Variants in PARD3B observed in about 807,000 individuals in gnomAD.
PARD3B encodes the protein partitioning defective 3 homolog B.
Under a neutral mutation model 130.2 loss-of-function variants are expected in PARD3B, and 103 were observed. That is an observed-to-expected ratio of 0.79 (90% confidence interval 0.67 to 0.93). The LOEUF (loss-of-function observed/expected upper bound fraction) is 0.93, where lower values mean the gene tolerates loss of function less well. Ranked by LOEUF, PARD3B falls within the 40% of genes least tolerant of loss-of-function variation. The probability of loss-of-function intolerance (pLI) is 0.00; values close to 1 mark genes in which losing one functional copy is unlikely to be tolerated. For missense variants in PARD3B, 1,609 were observed against 1,499.2 expected, an observed-to-expected ratio of 1.07 and a Z score of -1.21; for synonymous variants, 583 against 553.2, an observed-to-expected ratio of 1.05 and a Z score of -0.76.
Position 205,325,249 on chromosome 2 carries a change from AATGTTCAAC to A in PARD3B, c.2630+23549_2630+23557del, listed in dbSNP as rs566988446. ...AGCTTAGATTTCTGAGGTGTTATACAATGTTCAACCTTTATACTTTTATGCTGCCATAGA... is the reference window on the plus strand; with the variant it reads ...AGCTTAGATTTCTGAGGTGTTATACACTTTATACTTTTATGCTGCCATAGA... On this transcript the variant is annotated intron_variant, in intron 18 of 22. Coordinates refer to ENST00000406610, the MANE Select transcript of PARD3B (RefSeq NM_001302769.2). This position sits in a 1 kb window ranked among gnomAD's most constrained non-coding sequence, Gnocchi z 4.1. Among the ~76,000 whole-genome samples, 68 of 152,296 alleles carry A rather than the reference AATGTTCAAC, an allele frequency of 4.5e-4. No individual in the cohort carries two copies. The highest frequency in any genetic ancestry group is 1.5e-3 in the African/African-American group (64 of 41,556).
intron 1 of PARD3B, among the ~76,000 whole-genome samples, chr2:204,569,326 C>T (rs11885318): frequency 6.6e-6 from 1 of 152,138 alleles, no homozygotes; most frequent in East Asian, 1.9e-4. Context: ...GATTTAGATG[C>T]TATATGAAAC....
At chr2:205,248,635 G>GTC (rs2039683634) in intron 16 of PARD3B, among the ~76,000 whole-genome samples, 2 of 124,170 alleles carry the variant, frequency 1.6e-5, no homozygotes, top group Non-Finnish European at 3.2e-5. Context: ...TTGAGACGGA[G>GTC]TGGCTCTGTC....
intron 2 of PARD3B, among the ~76,000 whole-genome samples, chr2:204,691,330 T>C (rs1368049448): frequency 6.6e-6 from 1 of 152,134 alleles, no homozygotes; most frequent in Non-Finnish European, 1.5e-5. Context: ...AAAGTAATAC[T>C]GTATTATGTA....
intron 18 of PARD3B, among the ~76,000 whole-genome samples, chr2:205,331,514 G>A (rs2105775105): frequency 6.6e-6 from 1 of 152,086 alleles, no homozygotes; most frequent in Non-Finnish European, 1.5e-5. Flanking sequence ...GGGCGTGGTG[G>A]TTCACACCTG....
rs111599368 is a variant in PARD3B at position 204,660,871 on chromosome 2, T to G, written c.121-25310T>G. 6.9e-3 allele frequency among the ~76,000 whole-genome samples: 1,045 copies of G among 152,356 alleles called. 7 individuals carry two copies. Among genetic ancestry groups the G allele is most frequent in the Middle Eastern group, 0.031 (9 of 294 alleles). On this transcript the variant is annotated intron_variant, in intron 1 of 22. Coordinates refer to ENST00000406610, the MANE Select transcript of PARD3B (RefSeq NM_001302769.2). ...CATGAGTTTAATTTTAAAGTATTAA[T>G]GTATAGAACATGCAGTGTGGCTTTG...
chr2:204,930,440 A>T (rs1054328335), intron 2 of PARD3B, among the ~76,000 whole-genome samples: 2 of 151,926 alleles, frequency 1.3e-5, no homozygotes, highest in African/African-American at 4.8e-5. Flanking sequence ...ATTGTTTAAA[A>T]TTTTTATTAT....
chr2:205,177,445 G>A (rs2035537615), intron 13 of PARD3B, among the ~76,000 whole-genome samples: 1 of 152,192 alleles, frequency 6.6e-6, no homozygotes. Flanking sequence ...AAAATTAATA[G>A]CACATTATAT....
At chr2:205,342,946 A>G (rs2043596952) in intron 18 of PARD3B, among the ~76,000 whole-genome samples, 1 of 152,146 alleles carries the variant, frequency 6.6e-6, no homozygotes, top group South Asian at 2.1e-4. Context: ...CTATATTATT[A>G]CTTTGTCCTC....
In PARD3B at chr2:204,914,639, C is replaced by A. The variant is rs139283022; in HGVS notation, c.223-50513C>A. ...GAATTGTTCGAAAACCAGTAAGAAA[C>A]CTCCTGTGGACCCCAGCCCTCAATC... On this transcript the variant is annotated intron_variant, in intron 2 of 22. Coordinates refer to ENST00000406610, the MANE Select transcript of PARD3B (RefSeq NM_001302769.2). Among the ~76,000 whole-genome samples the A allele has an allele frequency of 4.9e-3, 748 of 152,252 alleles. 2 individuals carry two copies. The highest frequency in any genetic ancestry group is 0.018 in the South Asian group (85 of 4,824).
chr2:204,991,999 T>A (rs1210985430), intron 3 of PARD3B, among the ~76,000 whole-genome samples: 1 of 152,054 alleles, frequency 6.6e-6, no homozygotes, highest in Non-Finnish European at 1.5e-5. Flanking sequence ...ATGAGTAGGT[T>A]GCAAAAATTT....
At chr2:205,503,350 A>G (rs1575182029) in intron 21 of PARD3B, among the ~76,000 whole-genome samples, 1 of 151,828 alleles carries the variant, frequency 6.6e-6, no homozygotes, top group Non-Finnish European at 1.5e-5. Flanking sequence ...GGAAAACTAT[A>G]GAGACATTTT....
At chr2:205,228,978 A>C (rs1373295565) in intron 15 of PARD3B, among the ~76,000 whole-genome samples, 1 of 152,150 alleles carries the variant, frequency 6.6e-6, no homozygotes, top group African/African-American at 2.4e-5. Flanking sequence ...CTCCTTGTTA[A>C]ATTTATCTGA....
rs1189654175 is a variant in PARD3B, at chr2:205,301,290, C to T, written c.2393-174C>T. Among the ~76,000 whole-genome samples, 2 of 152,154 alleles carry T rather than the reference C, an allele frequency of 1.3e-5. No individual in the cohort carries two copies. Among genetic ancestry groups the T allele is most frequent in the Non-Finnish European group, 2.9e-5 (2 of 68,032 alleles). ...CCCACTCCCAGCATCAAGTCTTGCTCGAAGTAACCAGATTTAGGCAGTCAG... is the reference window on the plus strand; with the variant it reads ...CCCACTCCCAGCATCAAGTCTTGCTTGAAGTAACCAGATTTAGGCAGTCAG... On this transcript the variant is annotated intron_variant, in intron 17 of 22. Transcript: ENST00000406610. The surrounding 1 kb of genome is among the most constrained non-coding windows in gnomAD (Gnocchi z 5.2).
At chr2:205,399,007 G>A (rs953143427) in intron 18 of PARD3B, among the ~76,000 whole-genome samples, 1 of 152,118 alleles carries the variant, frequency 6.6e-6, no homozygotes, top group African/African-American at 2.4e-5. Context: ...GGTGGCTCAC[G>A]CCTGTAATCC....
intron 2 of PARD3B, among the ~76,000 whole-genome samples, chr2:204,936,516 T>C (rs970176366): frequency 6.6e-6 from 1 of 152,244 alleles, no homozygotes; most frequent in Non-Finnish European, 1.5e-5. Flanking sequence ...GGATGGCAAG[T>C]ACTGCTTATT....
At position 204,906,955 on chromosome 2, in the gene PARD3B, G is replaced by A. The variant is rs552931065; in HGVS notation, c.223-58197G>A. 1.3e-5 allele frequency among the ~76,000 whole-genome samples: 2 copies of A among 152,206 alleles called. No individual in the cohort carries two copies. The highest frequency in any genetic ancestry group is 3.9e-4 in the East Asian group (2 of 5,176). On this transcript the variant is annotated intron_variant, in intron 2 of 22. Transcript: ENST00000406610. The surrounding 1 kb of genome is among the most constrained non-coding windows in gnomAD (Gnocchi z 4.3). ...TGTATTAAAAAGTAGAAGCAAAGAT[G>A]CTGATTTTTAAGTGGAAAACATGAA...
intron 22 of PARD3B, among the ~76,000 whole-genome samples, chr2:205,556,267 G>A (rs2052880799): frequency 6.6e-6 from 1 of 152,064 alleles, no homozygotes. Context: ...TGACTGATTG[G>A]GTTCCTATGT....
chr2:205,534,080 G>T (rs1288376916), intron 21 of PARD3B, among the ~76,000 whole-genome samples: 2 of 147,488 alleles, frequency 1.4e-5, no homozygotes, highest in African/African-American at 5.0e-5. Flanking sequence ...GGGACAAGAA[G>T]AGACATGCAT....
intron 21 of PARD3B, among the ~76,000 whole-genome samples, chr2:205,520,224 C>T (rs2050978951): frequency 6.6e-6 from 1 of 152,088 alleles, no homozygotes; most frequent in Non-Finnish European, 1.5e-5. Context: ...TGCAATCAGC[C>T]CAGGATGGGG....
Sources: gnomAD v4.1 joint callset for allele counts (sites outside exome capture counted in the v4.1 genomes callset) on GRCh38, gnomAD v4.1.1 for gene constraint, Gnocchi (gnomAD v3.1) non-coding constraint, MANE v1.5 for transcripts, NCBI Gene and HGNC (gene_info 2026-07-23, HGNC 2026-07-21) for gene names.